The following RIN2 variants were observed in gnomAD, a reference collection of about 807,000 sequenced individuals.
RIN2 encodes RAB5 interacting protein 2.
Under a neutral mutation model 78.0 loss-of-function variants are expected in RIN2, and 36 were observed. The ratio of observed to expected loss-of-function variants is 0.46; its 90% CI spans 0.35 to 0.61. The LOEUF (loss-of-function observed/expected upper bound fraction) is 0.61, where lower values mean the gene tolerates loss of function less well. Ranked by LOEUF, RIN2 falls within the 20% of genes least tolerant of loss-of-function variation. RIN2 has a pLI of 0.00. For missense variants in RIN2, 1,087 were observed against 1,159.7 expected (o/e 0.94, Z 0.91); for synonymous variants, 466 against 466.8 (o/e 1.00, Z 0.02).
At chr20:19,858,114 CTG>C (rs1311725162) in intron 2 of RIN2, among the ~76,000 whole-genome samples, 1 of 139,826 alleles carries the variant, frequency 7.2e-6, no homozygotes, top group Non-Finnish European at 1.5e-5. Context: ...TTTTTATGGT[CTG>C]TCTTTTTTTA....
At chr20:19,779,923 T>C (rs1004142376) in intron 1 of RIN2, among the ~76,000 whole-genome samples, 1 of 152,236 alleles carries the variant, frequency 6.6e-6, no homozygotes, top group East Asian at 1.9e-4. Flanking sequence ...GAGGTCAGCG[T>C]GTTTGCCCTA....
At chr20:19,970,459 G>C (rs2042069082) in intron 7 of RIN2, among the ~76,000 whole-genome samples, 1 of 152,212 alleles carries the variant, frequency 6.6e-6, no homozygotes, top group Non-Finnish European at 1.5e-5. Flanking sequence ...TGCCCAGGCA[G>C]TTTCGGCCCA....
At chr20:19,954,955 G>A (rs543275052) in intron 4 of RIN2, among the ~76,000 whole-genome samples, 1 of 152,108 alleles carries the variant, frequency 6.6e-6, no homozygotes, top group African/African-American at 2.4e-5. Context: ...TCATTAAGAC[G>A]TAATTCACAT....
chr20:19,899,345 G>T (rs951248832), intron 3 of RIN2, among the ~76,000 whole-genome samples: 3 of 152,154 alleles, frequency 2.0e-5, no homozygotes, highest in African/African-American at 7.2e-5. Context: ...CCAGTGGTCC[G>T]AGGTGAATTG....
At chr20:19,870,437 A>G (rs1446897705) in intron 2 of RIN2, among the ~76,000 whole-genome samples, 1 of 152,122 alleles carries the variant, frequency 6.6e-6, no homozygotes, top group Admixed American at 6.5e-5. Flanking sequence ...ATATAAGGCC[A>G]GGAGTTCAAA....
At chr20:19,844,773 T>C (rs1483599811) in intron 2 of RIN2, among the ~76,000 whole-genome samples, 1 of 151,172 alleles carries the variant, frequency 6.6e-6, no homozygotes, top group East Asian at 2.0e-4. Context: ...CTGGGATACA[T>C]GTACAGGACA....
At chr20:19,973,793 GAAAA>G (rs74558708) in intron 8 of RIN2, among the ~76,000 whole-genome samples, 1 of 141,332 alleles carries the variant, frequency 7.1e-6, no homozygotes, top group African/African-American at 2.6e-5. Context: ...CGTCTCAAGG[GAAAA>G]AAAAAAAAGA....
intron 4 of RIN2, among the ~76,000 whole-genome samples, chr20:19,953,128 C>T (rs564630771): frequency 1.3e-5 from 2 of 149,350 alleles, no homozygotes. Flanking sequence ...ACGTTGGGAT[C>T]CCCTGGGGAA....
chr20:19,759,876 C>T (rs937604427), intron 1 of RIN2, among the ~76,000 whole-genome samples: 1 of 152,118 alleles, frequency 6.6e-6, no homozygotes, highest in African/African-American at 2.4e-5. Flanking sequence ...AAAAAGAACC[C>T]TGCTTCATTG....
chr20:19,938,128 G>A (rs1409153281), intron 4 of RIN2, among the ~76,000 whole-genome samples: 2 of 152,158 alleles, frequency 1.3e-5, no homozygotes, highest in Non-Finnish European at 2.9e-5. Flanking sequence ...CCAGTGCCCT[G>A]GCTGGTTCTT....
chr20:19,866,581 C>T (rs912856753), intron 2 of RIN2, among the ~76,000 whole-genome samples: 11 of 152,124 alleles, frequency 7.2e-5, no homozygotes, highest in Non-Finnish European at 1.5e-4. Context: ...TTTTAAAAAA[C>T]ATTAACGTGA....
At chr20:19,820,047 CAA>C (rs1158090288) in intron 2 of RIN2, among the ~76,000 whole-genome samples, 1 of 152,084 alleles carries the variant, frequency 6.6e-6, no homozygotes, top group Non-Finnish European at 1.5e-5. Flanking sequence ...TAAAATAAAA[CAA>C]TGGCATTATA....
intron 2 of RIN2, among the ~76,000 whole-genome samples, chr20:19,858,103 C>T (rs1299242798): frequency 1.3e-5 from 2 of 149,038 alleles, no homozygotes; most frequent in Non-Finnish European, 2.9e-5. Context: ...CAACTCATCC[C>T]TTTTTATGGT....
chr20:19,847,725 A>G (rs1019621041), intron 2 of RIN2, among the ~76,000 whole-genome samples: 1 of 152,244 alleles, frequency 6.6e-6, no homozygotes, highest in Non-Finnish European at 1.5e-5. Flanking sequence ...TTTTAGATAT[A>G]TTGGGAAATT....
At chr20:19,828,057 T>A (rs552115977) in intron 2 of RIN2, among the ~76,000 whole-genome samples, 17 of 152,110 alleles carry the variant, frequency 1.1e-4, no homozygotes, top group Non-Finnish European at 1.9e-4. Flanking sequence ...CTCACCTGCT[T>A]GTGATACCTC....
At chr20:19,869,610 CT>C (rs532942390) in intron 2 of RIN2, among the ~76,000 whole-genome samples, 5 of 149,074 alleles carry the variant, frequency 3.4e-5, no homozygotes, top group African/African-American at 1.2e-4. Flanking sequence ...GATTTTTAAG[CT>C]TTTATTTTGT....
chr20:19,762,198 C>T (rs2033666847), intron 1 of RIN2, among the ~76,000 whole-genome samples: 1 of 152,216 alleles, frequency 6.6e-6, no homozygotes, highest in Admixed American at 6.5e-5. Context: ...CACAAGCAAC[C>T]ATTGTTTGAA....
chr20:19,855,866 G>T (rs1230747727), intron 2 of RIN2, among the ~76,000 whole-genome samples: 1 of 152,136 alleles, frequency 6.6e-6, no homozygotes, highest in Non-Finnish European at 1.5e-5. Flanking sequence ...ACAAGGTCAG[G>T]AGTTCGAGAC....
chr20:19,973,744 G>A (rs895079918), intron 8 of RIN2, among the ~76,000 whole-genome samples: 14 of 151,918 alleles, frequency 9.2e-5, no homozygotes, highest in African/African-American at 3.4e-4. Flanking sequence ...AGCCAAGATC[G>A]TGCCACTGCA....
Sources: allele counts gnomAD v4.1 joint callset (sites outside exome capture counted in the v4.1 genomes callset), GRCh38; gene constraint gnomAD v4.1.1; transcripts MANE v1.5; gene names NCBI Gene and HGNC (gene_info 2026-07-23, HGNC 2026-07-21).